The following RASSF6 variants were observed in gnomAD, a reference collection of about 807,000 sequenced individuals.
RASSF6 encodes Ras association domain family member 6, also known as ras association domain-containing protein 6.
A neutral mutation model predicts 44.0 loss-of-function variants in RASSF6; 52 were observed. The ratio of observed to expected loss-of-function variants is 1.18; its 90% confidence interval spans 0.95 to 1.49. The LOEUF (loss-of-function observed/expected upper bound fraction) is 1.49, where lower values mean the gene tolerates loss of function less well. RASSF6 is among the 40% of genes most tolerant of loss of function. The pLI, the probability that RASSF6 is intolerant of heterozygous loss-of-function variation, is 0.00. For missense variants in RASSF6, 464 were observed against 393.3 expected (o/e 1.18, Z -1.52); for synonymous variants, 162 against 124.6 (o/e 1.30, Z -2.00).
intron 2 of RASSF6, among the ~76,000 whole-genome samples, chr4:73,605,817 T>C (rs1006945900): frequency 1.6e-4 from 25 of 152,154 alleles, no homozygotes; most frequent in East Asian, 1.9e-4. Flanking sequence ...AGCCATTCTG[T>C]CTGGTGTGAG....
intron 2 of RASSF6, among the ~76,000 whole-genome samples, chr4:73,608,203 G>T (rs1347574639): frequency 1.3e-5 from 2 of 151,442 alleles, no homozygotes; most frequent in South Asian, 4.2e-4. Context: ...TGAACTTCTG[G>T]AGTCTCATAG....
chr4:73,616,266 T>TATAC (rs766533382), intron 1 of RASSF6, among the ~76,000 whole-genome samples: 4 of 150,120 alleles, frequency 2.7e-5, no homozygotes, highest in Non-Finnish European at 4.4e-5. Context: ...TCTATCTATC[T>TATAC]ATACATATAT....
At chr4:73,607,545 TG>T (rs1303476905) in intron 2 of RASSF6, among the ~76,000 whole-genome samples, 1 of 152,200 alleles carries the variant, frequency 6.6e-6, no homozygotes, top group Non-Finnish European at 1.5e-5. Context: ...TTCATAGAAC[TG>T]GGTTCCTTCC....
chr4:73,577,975 C>T (rs1218728960), intron 8 of RASSF6, among the ~76,000 whole-genome samples: 2 of 149,420 alleles, frequency 1.3e-5, no homozygotes, highest in Non-Finnish European at 3.0e-5. Context: ...AGTTAAAACC[C>T]ACCTATCTCT....
chr4:73,581,826 C>G lies in RASSF6; in HGVS notation c.712G>C (p.Ala238Pro), dbSNP rs1560440159. ...PQDFALHIIF[A>P]TGEQRRLKKT... ...GATCAAGCTTTCTTACCTCCTGTTG[C>G]AAAAATAATGTGAAGAGCAAAATCC... The change falls in exon 8 of 11, where the codon GCA becomes CCA. Residue 238 changes from alanine (A) to proline (P), a missense_variant. Physicochemically the swap from Ala to Pro is conservative, Grantham distance 27. Coordinates refer to ENST00000307439, the MANE Select transcript of RASSF6 (RefSeq NM_177532.5). The G allele has an allele frequency of 6.2e-7, 1 of 1,608,618 alleles. No individual in the cohort carries two copies.
chr4:73,576,503 G>A lies in RASSF6; in HGVS notation c.845C>T (p.Ala282Val), dbSNP rs557320069. 1.3e-6 allele frequency: 2 copies of A among 1,571,596 alleles called. No homozygotes were observed. The highest frequency in any genetic ancestry group is 1.2e-5 in the South Asian group (1 of 85,138). The change falls in exon 10 of 11, where the codon GCT becomes GTT. Residue 282 changes from alanine to valine, a missense_variant. Ala to Val is a moderately conservative substitution (Grantham distance 64). Coordinates refer to ENST00000307439, the MANE Select transcript of RASSF6 (RefSeq NM_177532.5). ...AGAAAAGTGAAAGTTAATGTACTGA[G>A]CCACCTAAGAAAGAAGAAGAAGAAA... The part of the protein sequence containing the change: ...KDAEEISSDV[A>V]QYINFHFSLL...
At chr4:73,596,763 A>G (rs543311015) in intron 3 of RASSF6, among the ~76,000 whole-genome samples, 6 of 152,302 alleles carry the variant, frequency 3.9e-5, no homozygotes, top group African/African-American at 1.4e-4. Flanking sequence ...TGATACTGGT[A>G]CGAGAACAGA....
Position 73,572,908 on chromosome 4 carries a change from T to C in RASSF6, c.*3327A>G, listed in dbSNP as rs1292593959. Reference sequence around the variant, plus strand: ...TTAACATGTTTTTATTTCTTGTGTGTATATATATGCAAATATTAGTGTTCA... The same window carrying C: ...TTAACATGTTTTTATTTCTTGTGTGCATATATATGCAAATATTAGTGTTCA... On this transcript the variant is annotated 3_prime_UTR_variant, in exon 11 of 11. Transcript: ENST00000307439. 1.3e-5 allele frequency: 2 copies of C among 152,170 alleles called. No individual in the cohort carries two copies. Among genetic ancestry groups the C allele is most frequent in the South Asian group, 2.1e-4 (1 of 4,832 alleles). The allele number at this position is 152,170 out of a possible 1,614,324, so 9.4% of individuals were successfully genotyped here.
chr4:73,594,767 A>G lies in RASSF6; in HGVS notation c.145-1174T>C, dbSNP rs1438578602. Among the ~76,000 whole-genome samples, 3 of 152,328 alleles carry G rather than the reference A, an allele frequency of 2.0e-5. No homozygotes were observed. The East Asian group carries it at 5.8e-4, about 29-fold the overall frequency. On this transcript the variant is annotated intron_variant, in intron 3 of 10. Coordinates refer to ENST00000307439, the MANE Select transcript of RASSF6 (RefSeq NM_177532.5). ...AATTTATTCCTTGAAATGACTGTATATGATATAGATTATATAGTTAATGGT... is the reference window on the plus strand; with the variant it reads ...AATTTATTCCTTGAAATGACTGTATGTGATATAGATTATATAGTTAATGGT...
chr4:73,578,683 A>T (rs1723406754), intron 8 of RASSF6, among the ~76,000 whole-genome samples: 1 of 148,392 alleles, frequency 6.7e-6, no homozygotes, highest in African/African-American at 2.5e-5. Context: ...ATCTCAGCTC[A>T]CTGCAACCTC....
In RASSF6 at chr4:73,611,846, T is replaced by C; in HGVS notation, c.-34-17A>G. 3 of 1,497,612 alleles carry C rather than the reference T, an allele frequency of 2.0e-6. No homozygotes were observed. The highest frequency in any genetic ancestry group is 2.8e-6 in the Non-Finnish European group (3 of 1,076,628). The allele number at this position is 1,497,612 out of a possible 1,614,324, so 92.8% of individuals were successfully genotyped here. On this transcript the variant is annotated splice_polypyrimidine_tract_variant and intron_variant, in intron 1 of 10. Coordinates refer to ENST00000307439, the MANE Select transcript of RASSF6 (RefSeq NM_177532.5). ...GAGGATATCCTAAACATGAGAATAA[T>C]ATTAATGATTTGTTCCTATAATGCA...
At chr4:73,604,520 C>CT in intron 2 of RASSF6, 1 of 152,396 alleles carries the variant, frequency 6.6e-6, no homozygotes. Flanking sequence ...AACCATTCCA[C>CT]TGTGTGTGTT....
intron 1 of RASSF6, among the ~76,000 whole-genome samples, chr4:73,618,531 T>A (rs1297420434): frequency 6.6e-6 from 1 of 152,160 alleles, no homozygotes; most frequent in Non-Finnish European, 1.5e-5. Flanking sequence ...TATTTCCTCT[T>A]TGAAAAATCT....
intron 3 of RASSF6, among the ~76,000 whole-genome samples, chr4:73,596,468 A>G (rs1435992156): frequency 6.6e-6 from 1 of 152,248 alleles, no homozygotes; most frequent in Non-Finnish European, 1.5e-5. Context: ...GCTCAAAGAA[A>G]TCAGAGATGA....
At chr4:73,615,867 A>G (rs1288131058) in intron 1 of RASSF6, 4 of 1,546,382 alleles carry the variant, frequency 2.6e-6, no homozygotes, top group South Asian at 1.2e-5. Context: ...ATTCCTGCCT[A>G]GAGGTGGGCT....
chr4:73,573,563 A>T lies in RASSF6; in HGVS notation c.*2672T>A, dbSNP rs529796526. The T allele has an allele frequency of 6.6e-6, 1 of 152,202 alleles. No homozygotes were observed. The highest frequency in any genetic ancestry group is 1.9e-4 in the East Asian group (1 of 5,202). 9.4% of individuals were successfully genotyped at this position (152,202 alleles called of 1,614,324 possible). The stretch of plus-strand genomic sequence containing the variant: ...TCTCTGGTTATTTTCATATGATAGG[A>T]TCTTACAAGTAGAATTATAGGATAA... On this transcript the variant is annotated 3_prime_UTR_variant, in exon 11 of 11. Coordinates refer to ENST00000307439, the MANE Select transcript of RASSF6 (RefSeq NM_177532.5).
intron 4 of RASSF6, among the ~76,000 whole-genome samples, chr4:73,588,892 T>C (rs1724313790): frequency 6.6e-6 from 1 of 152,014 alleles, no homozygotes; most frequent in Admixed American, 6.6e-5. Context: ...TGGATCTCTC[T>C]AGGCAAATGG....
At chr4:73,589,832 T>C (rs922393340) in intron 4 of RASSF6, among the ~76,000 whole-genome samples, 3 of 151,672 alleles carry the variant, frequency 2.0e-5, no homozygotes, top group Non-Finnish European at 4.4e-5. Flanking sequence ...GATGGGGAGG[T>C]TTTCTAAGGA....
Position 73,576,185 on chromosome 4 carries a change from G to C in RASSF6, c.*50C>G. ...ACAGAACTTATGCATTCATCAAAGA[G>C]TAATATCTCTGAGTTTTTTGAAATG... On this transcript the variant is annotated 3_prime_UTR_variant, in exon 11 of 11. Transcript: ENST00000307439. 1.0e-6 allele frequency: 1 copy of C among 1,004,178 alleles called. No homozygotes were observed. Among genetic ancestry groups the C allele is most frequent in the Non-Finnish European group, 1.5e-6 (1 of 656,218 alleles). 62.2% of individuals were successfully genotyped at this position (1,004,178 alleles called of 1,614,324 possible).
Sources: gnomAD v4.1 joint callset for allele counts (sites outside exome capture counted in the v4.1 genomes callset) on GRCh38, gnomAD v4.1.1 for gene constraint, MANE v1.5 for transcripts, NCBI Gene and HGNC (gene_info 2026-07-23, HGNC 2026-07-21) for gene names.